The following GPC6 variants were observed in gnomAD, a reference collection of about 807,000 sequenced individuals.
The protein encoded by GPC6 is glypican 6, also known as glypican-6.
A neutral mutation model predicts 55.2 loss-of-function variants in GPC6; 14 were observed. That is an observed-to-expected ratio of 0.25 (90% confidence interval 0.17 to 0.40). The LOEUF (loss-of-function observed/expected upper bound fraction) is 0.40, where lower values mean the gene tolerates loss of function less well. Ranked by LOEUF, GPC6 falls within the 10% of genes least tolerant of loss-of-function variation. The pLI is 1.00. For missense variants in GPC6, 641 were observed against 708.5 expected, an observed-to-expected ratio of 0.90 and a Z score of 1.08; for synonymous variants, 278 against 259.6, an observed-to-expected ratio of 1.07 and a Z score of -0.68.
chr13:93,592,442 G>A (rs960281425), intron 2 of GPC6, among the ~76,000 whole-genome samples: 2 of 148,330 alleles, frequency 1.3e-5, no homozygotes, highest in East Asian at 3.9e-4. Context: ...GTAGAGACGG[G>A]GTTTCACCGT....
intron 1 of GPC6, among the ~76,000 whole-genome samples, chr13:93,285,054 G>T (rs1878065380): frequency 6.6e-6 from 1 of 152,148 alleles, no homozygotes; most frequent in Non-Finnish European, 1.5e-5. Context: ...TGTGGTAAAG[G>T]CCCCTTTGAG....
chr13:94,223,702 A>C (rs1008490543), intron 4 of GPC6, among the ~76,000 whole-genome samples: 16 of 152,290 alleles, frequency 1.1e-4, no homozygotes, highest in East Asian at 3.9e-4. Flanking sequence ...CATCTTACAC[A>C]TGAGCAAACT....
intron 4 of GPC6, among the ~76,000 whole-genome samples, chr13:94,154,775 C>T (rs1887868488): frequency 6.6e-6 from 1 of 152,164 alleles, no homozygotes; most frequent in Non-Finnish European, 1.5e-5. Context: ...TCTGTAAAGA[C>T]CTTTGGTTTT....
At chr13:93,386,479 C>G (rs1875412212) in intron 1 of GPC6, among the ~76,000 whole-genome samples, 1 of 148,218 alleles carries the variant, frequency 6.7e-6, no homozygotes, top group Admixed American at 6.7e-5. Flanking sequence ...TAGTGCATAA[C>G]AAGGGTCAAT....
intron 2 of GPC6, among the ~76,000 whole-genome samples, chr13:93,801,265 C>A (rs1886358605): frequency 6.6e-6 from 1 of 152,118 alleles, no homozygotes; most frequent in Non-Finnish European, 1.5e-5. Flanking sequence ...TTTCCAGGGT[C>A]TTTTCAGGCT....
At chr13:94,283,137 ACTTC>A (rs1892433672) in intron 4 of GPC6, among the ~76,000 whole-genome samples, 1 of 152,190 alleles carries the variant, frequency 6.6e-6, no homozygotes, top group African/African-American at 2.4e-5. Context: ...TGCTGTCAAT[ACTTC>A]CACCAAAATA....
chr13:94,356,186 C>T (rs1878787070), intron 6 of GPC6, among the ~76,000 whole-genome samples: 1 of 152,220 alleles, frequency 6.6e-6, no homozygotes, highest in African/African-American at 2.4e-5. Context: ...TTTATCCAGT[C>T]TATCCTTGAT....
intron 4 of GPC6, among the ~76,000 whole-genome samples, chr13:94,148,563 T>C (rs1168630305): frequency 6.6e-6 from 1 of 152,206 alleles, no homozygotes; most frequent in East Asian, 1.9e-4. Context: ...CTGACAGATT[T>C]CTACTGTAGG....
At chr13:93,509,079 C>G (rs1227096034) in intron 1 of GPC6, among the ~76,000 whole-genome samples, 1 of 152,098 alleles carries the variant, frequency 6.6e-6, no homozygotes, top group East Asian at 1.9e-4. Flanking sequence ...GTTCCAGTGA[C>G]TTGAGCACAT....
intron 1 of GPC6, among the ~76,000 whole-genome samples, chr13:93,536,313 A>G (rs1882059645): frequency 6.6e-6 from 1 of 152,140 alleles, no homozygotes; most frequent in Non-Finnish European, 1.5e-5. Context: ...GTATTGTGTA[A>G]TCTTCACCAT....
intron 3 of GPC6, among the ~76,000 whole-genome samples, chr13:93,884,936 C>T (rs965743830): frequency 1.3e-5 from 2 of 152,062 alleles, no homozygotes; most frequent in African/African-American, 4.8e-5. Context: ...TACCTTATCA[C>T]TCATGCATAT....
chr13:93,642,268 G>T (rs556835826), intron 2 of GPC6, among the ~76,000 whole-genome samples: 3 of 152,150 alleles, frequency 2.0e-5, no homozygotes, highest in Non-Finnish European at 4.4e-5. Context: ...TTCTGCACTA[G>T]TTCACTTAAG....
chr13:94,140,555 G>T (rs1010559174), intron 4 of GPC6, among the ~76,000 whole-genome samples: 4 of 152,194 alleles, frequency 2.6e-5, no homozygotes, highest in South Asian at 2.1e-4. Flanking sequence ...GCTGGGAACT[G>T]TAATGTCCCT....
intron 4 of GPC6, among the ~76,000 whole-genome samples, chr13:94,131,393 C>A (rs1162791091): frequency 6.6e-6 from 1 of 152,086 alleles, no homozygotes; most frequent in Non-Finnish European, 1.5e-5. Flanking sequence ...AAAATACTAA[C>A]TCATTGGTAA....
chr13:94,075,905 C>A (rs1279695728), intron 4 of GPC6, among the ~76,000 whole-genome samples: 1 of 152,060 alleles, frequency 6.6e-6, no homozygotes, highest in Non-Finnish European at 1.5e-5. Context: ...AATGTGACTA[C>A]TGCTATAATA....
chr13:94,262,189 A>T (rs761029377), intron 4 of GPC6, among the ~76,000 whole-genome samples: 1 of 152,120 alleles, frequency 6.6e-6, no homozygotes, highest in Non-Finnish European at 1.5e-5. Context: ...TGCTTATTTA[A>T]TTATTGGTGG....
chr13:93,241,892 G>T (rs1876443558), intron 1 of GPC6, among the ~76,000 whole-genome samples: 1 of 151,896 alleles, frequency 6.6e-6, no homozygotes, highest in African/African-American at 2.4e-5. Flanking sequence ...CTAGCTTTGG[G>T]TCTGGGTAAT....
At chr13:93,358,975 CTT>C (rs1555293628) in intron 1 of GPC6, among the ~76,000 whole-genome samples, 4,595 of 99,386 alleles carry the variant, frequency 0.046, 170 homozygotes, top group East Asian at 0.34. Flanking sequence ...TTCTCTCTCT[CTT>C]TTTTTTTTTT....
At chr13:93,474,943 C>T (rs935431843) in intron 1 of GPC6, among the ~76,000 whole-genome samples, 3 of 152,152 alleles carry the variant, frequency 2.0e-5, no homozygotes, top group Non-Finnish European at 4.4e-5. Context: ...AGAAGGATTG[C>T]TGGAGGTCAG....
Sources: allele counts gnomAD v4.1 joint callset (sites outside exome capture counted in the v4.1 genomes callset), GRCh38; gene constraint gnomAD v4.1.1; transcripts MANE v1.5; gene names NCBI Gene and HGNC (gene_info 2026-07-23, HGNC 2026-07-21).